Variants in MGRN1 observed in about 807,000 individuals in gnomAD.
The protein encoded by MGRN1 is E3 ubiquitin-protein ligase MGRN1.
Under a neutral mutation model 69.2 loss-of-function variants are expected in MGRN1, and 29 were observed. The ratio of observed to expected loss-of-function variants is 0.42; its 90% CI spans 0.31 to 0.57. The LOEUF (loss-of-function observed/expected upper bound fraction) is 0.57, where lower values mean the gene tolerates loss of function less well. Ranked by LOEUF, MGRN1 falls within the 20% of genes least tolerant of loss-of-function variation. The probability of loss-of-function intolerance (pLI) is 0.15; values close to 1 mark genes in which losing one functional copy is unlikely to be tolerated. For synonymous variants in MGRN1, 470 were observed against 344.2 expected (o/e 1.37, Z -4.04); for missense variants, 998 against 796.2 (o/e 1.25, Z -3.05).
rs1446710439 is a variant in MGRN1 at position 4,624,925 on chromosome 16, C to A, written c.-36C>A. On this transcript the variant is annotated 5_prime_UTR_variant, in exon 1 of 17. Transcript: ENST00000262370. ...CCCGCCGCTGTCGCCGCTCCCGTTC[C>A]GGCCCTGGCCCCTCTGCCCGGCAGC... 4.7e-6 allele frequency: 7 copies of A among 1,497,496 alleles called. No homozygotes were observed. Among genetic ancestry groups the A allele is most frequent in the Non-Finnish European group, 6.2e-6 (7 of 1,121,526 alleles). 92.8% of individuals were successfully genotyped at this position (1,497,496 alleles called of 1,614,324 possible).
intron 8 of MGRN1, 23 bp from the exon 9 acceptor site, chr16:4,671,368 G>T (rs1339604522): frequency 6.2e-7 from 1 of 1,613,072 alleles, no homozygotes; most frequent in Admixed American, 1.7e-5. Flanking sequence ...CGAGGGCCCA[G>T]TGAGCCCCTC....
At chr16:4,646,273 A>G (rs1259802971) in intron 1 of MGRN1, among the ~76,000 whole-genome samples, 1 of 152,180 alleles carries the variant, frequency 6.6e-6, no homozygotes, top group African/African-American at 2.4e-5. Flanking sequence ...TCTACAAAAA[A>G]TAAACAAAAA....
chr16:4,684,503 C>A (rs1256808964), intron 16 of MGRN1, among the ~76,000 whole-genome samples: 1 of 152,202 alleles, frequency 6.6e-6, no homozygotes, highest in Non-Finnish European at 1.5e-5. Context: ...TGACAGAGGC[C>A]ACCTGATGCA....
rs748725957 is a variant in MGRN1 at position 4,651,947 on chromosome 16, G to C, written c.208-16G>C. On this transcript the variant is annotated splice_polypyrimidine_tract_variant and intron_variant, in intron 2 of 16. Transcript: ENST00000262370. Reference sequence around the variant, plus strand: ...TCCTGAGGGAGTCACCTGGGGCCCTGTGGTTTTTCTCCTAGTTTCCCTACG... The same window carrying C: ...TCCTGAGGGAGTCACCTGGGGCCCTCTGGTTTTTCTCCTAGTTTCCCTACG... 3.7e-6 allele frequency: 6 copies of C among 1,613,456 alleles called. No homozygotes were observed. The highest frequency in any genetic ancestry group is 8.5e-7 in the Non-Finnish European group (1 of 1,179,448).
chr16:4,665,960 G>A (rs894720271), intron 7 of MGRN1, among the ~76,000 whole-genome samples: 2 of 151,862 alleles, frequency 1.3e-5, no homozygotes, highest in Non-Finnish European at 2.9e-5. Flanking sequence ...CTCCCAAGCA[G>A]CTGGTACTAC....
chr16:4,658,600 C>T (rs979264535), intron 5 of MGRN1, among the ~76,000 whole-genome samples: 1 of 151,942 alleles, frequency 6.6e-6, no homozygotes, highest in Non-Finnish European at 1.5e-5. Context: ...AGACACTGAC[C>T]ACATGCCCTG....
At chr16:4,659,786 A>G (rs990857923) in intron 5 of MGRN1, among the ~76,000 whole-genome samples, 4 of 152,250 alleles carry the variant, frequency 2.6e-5, no homozygotes, top group African/African-American at 9.6e-5. Context: ...AAAGAAAACC[A>G]GAGACTTACT....
intron 12 of MGRN1, 35 bp from the exon 13 acceptor site, chr16:4,681,515 G>A (rs1030367799): frequency 6.3e-7 from 1 of 1,580,584 alleles, no homozygotes; most frequent in Non-Finnish European, 8.6e-7. Flanking sequence ...GGTGGTCCCT[G>A]GGCATGAGCC....
At chr16:4,629,557 G>A (rs895688610) in intron 1 of MGRN1, among the ~76,000 whole-genome samples, 11 of 152,068 alleles carry the variant, frequency 7.2e-5, no homozygotes, top group African/African-American at 2.2e-4. Flanking sequence ...TGGCCAACAT[G>A]GTGAAACCCC....
chr16:4,667,359 C>T lies in MGRN1; in HGVS notation c.679-906C>T, dbSNP rs188717494. Reference sequence around the variant, plus strand: ...GGTCTGTTCTCTCCCGGGTCCAGGACCACAGACTGTGGTGACACAAGTGCC... The same window carrying T: ...GGTCTGTTCTCTCCCGGGTCCAGGATCACAGACTGTGGTGACACAAGTGCC... On this transcript the variant is annotated intron_variant, in intron 7 of 16. Transcript: ENST00000262370. 1.1e-4 allele frequency among the ~76,000 whole-genome samples: 16 copies of T among 152,300 alleles called. No homozygotes were observed. In the East Asian group the frequency reaches 2.7e-3, roughly 26 times the overall value.
Position 4,682,808 on chromosome 16 carries a change from C to T in MGRN1, c.1359-15C>T. On this transcript the variant is annotated splice_polypyrimidine_tract_variant and intron_variant, in intron 13 of 16. Coordinates refer to ENST00000262370, the MANE Select transcript of MGRN1 (RefSeq NM_015246.4). ...TTATCCTCTCACCCCTGCCCACCCT[C>T]TCCTCTGTCCCCAGCACCCTACGGT... is the stretch of plus-strand genomic sequence containing the variant. 3.3e-6 allele frequency: 5 copies of T among 1,537,230 alleles called. No individual in the cohort carries two copies. The highest frequency in any genetic ancestry group is 4.4e-6 in the Non-Finnish European group (5 of 1,135,518).
chr16:4,665,579 G>T (rs1158677288), intron 7 of MGRN1, among the ~76,000 whole-genome samples: 2 of 151,538 alleles, frequency 1.3e-5, no homozygotes, highest in African/African-American at 2.4e-5. Context: ...ATGTTGGCCA[G>T]ACTGGTCTCA....
Position 4,657,300 on chromosome 16 carries a change from G to T in MGRN1, c.498G>T (p.Gly166=), listed in dbSNP as rs899997833. The change falls in exon 5 of 17, where the codon GGG becomes GGT. Residue 166 remains glycine, a synonymous_variant. Transcript: ENST00000262370. ...LQSETVHYKR[G]VSQQFSLPSF... Reference sequence around the variant, plus strand: ...CCGAGACCGTCCACTACAAGAGAGGGGTGAGCCAGCAGTTCTCCCTGCCCT... The same window carrying T: ...CCGAGACCGTCCACTACAAGAGAGGTGTGAGCCAGCAGTTCTCCCTGCCCT... The T allele has an allele frequency of 2.5e-6, 4 of 1,614,188 alleles. No individual in the cohort carries two copies. The highest frequency in any genetic ancestry group is 2.5e-6 in the Non-Finnish European group (3 of 1,179,998).
chr16:4,639,395 G>A (rs1460151027), intron 1 of MGRN1, among the ~76,000 whole-genome samples: 1 of 152,172 alleles, frequency 6.6e-6, no homozygotes, highest in African/African-American at 2.4e-5. Flanking sequence ...GGGGTGGGCA[G>A]GGCATGTGGA....
rs531316333 is a variant in MGRN1 at position 4,674,947 on chromosome 16, C to T, written c.955+1290C>T. ...GAGCCACCGCGCCTGGCCGAGCCAC[C>T]GCTTTTTAATTAATTACTTACTTTT... On this transcript the variant is annotated intron_variant, in intron 10 of 16. Coordinates refer to ENST00000262370, the MANE Select transcript of MGRN1 (RefSeq NM_015246.4). 3.3e-4 allele frequency among the ~76,000 whole-genome samples: 50 copies of T among 151,680 alleles called. 1 individual carries two copies. The East Asian group carries it at 6.6e-3, about 20-fold the overall frequency.
rs911217998 is a variant in MGRN1, at chr16:4,681,028, C to T, written c.1132-522C>T. Among the ~76,000 whole-genome samples the T allele has an allele frequency of 2.0e-5, 3 of 152,232 alleles. No individual in the cohort carries two copies. In the East Asian group the frequency reaches 5.8e-4, roughly 29 times the overall value. ...TCCTCAGCCTTGTTGATTCTGTCTG[C>T]TCCCAGTGAGGGAAGAACAGTGGCT... On this transcript the variant is annotated intron_variant, in intron 12 of 16. Transcript: ENST00000262370.
At chr16:4,626,773 C>T (rs551357298) in intron 1 of MGRN1, among the ~76,000 whole-genome samples, 12 of 152,340 alleles carry the variant, frequency 7.9e-5, no homozygotes, top group African/African-American at 2.2e-4. Flanking sequence ...GCTAATCACT[C>T]GTGGCCCTCC....
chr16:4,646,709 C>G (rs928845711), intron 1 of MGRN1, among the ~76,000 whole-genome samples: 4 of 152,244 alleles, frequency 2.6e-5, no homozygotes, highest in Non-Finnish European at 5.9e-5. Flanking sequence ...GTGCAGTCTG[C>G]CCAGAGACAT....
chr16:4,656,848 C>A (rs889050809), intron 4 of MGRN1, among the ~76,000 whole-genome samples: 2 of 151,924 alleles, frequency 1.3e-5, no homozygotes, highest in Non-Finnish European at 2.9e-5. Context: ...ACACTGCACT[C>A]CAGCCCAGGC....
Sources: gnomAD v4.1 joint callset for allele counts (sites outside exome capture counted in the v4.1 genomes callset) on GRCh38, gnomAD v4.1.1 for gene constraint, MANE v1.5 for transcripts, NCBI Gene and HGNC (gene_info 2026-07-23, HGNC 2026-07-21) for gene names.